Variants in PABPC4L observed in about 807,000 individuals in gnomAD.
The protein encoded by PABPC4L is polyadenylate-binding protein 4-like.
For missense variants in PABPC4L, 452 were observed against 451.4 expected, an observed-to-expected ratio of 1.00 and a Z score of -0.01; for synonymous variants, 169 against 164.1, an observed-to-expected ratio of 1.03 and a Z score of -0.23.
chr4:134,124,866 GT>G, the PABPC4L span, among the ~76,000 whole-genome samples: 1 of 152,058 alleles, frequency 6.6e-6, no homozygotes, highest in Admixed American at 6.6e-5. Flanking sequence ...GGGTAATAAT[GT>G]CAGGCAGGTA....
Position 134,200,906 on chromosome 4 carries a change from G to GGACA in PABPC4L, c.110_113dup (p.Ile39ValfsTer26). 3.8e-6 allele frequency: 6 copies of GGACA among 1,560,916 alleles called. No homozygotes were observed. Among genetic ancestry groups the GGACA allele is most frequent in the Admixed American group, 1.9e-5 (1 of 51,912 alleles). On this transcript the variant is annotated frameshift_variant, in exon 2 of 2. Transcript: ENST00000421491. LOFTEE classifies it low-confidence loss of function (END_TRUNC). Reference sequence around the variant, plus strand: ...TGACCTGGTCCCTGCAAATGCGGATGGACAGCACAGGCCCCACAGTGCTGA... The same window carrying GGACA: ...TGACCTGGTCCCTGCAAATGCGGATGGACAGACAGCACAGGCCCCACAGTGCTGA...
chr4:134,098,109 A>G, the PABPC4L span, among the ~76,000 whole-genome samples: 14 of 151,958 alleles, frequency 9.2e-5, no homozygotes, highest in African/African-American at 3.4e-4. Flanking sequence ...TACATATTTC[A>G]TACTATTTAT....
At chr4:134,072,887 A>G in the PABPC4L span, among the ~76,000 whole-genome samples, 1 of 152,246 alleles carries the variant, frequency 6.6e-6, no homozygotes, top group African/African-American at 2.4e-5. Context: ...CTCACTCACT[A>G]TCACAAGAAC....
At chr4:134,123,666 G>A in the PABPC4L span, among the ~76,000 whole-genome samples, 1 of 152,016 alleles carries the variant, frequency 6.6e-6, no homozygotes, top group Non-Finnish European at 1.5e-5. Flanking sequence ...AATACAGAGC[G>A]AGAGAGAGAA....
the PABPC4L span, among the ~76,000 whole-genome samples, chr4:134,083,994 T>A: frequency 6.6e-6 from 1 of 152,184 alleles, no homozygotes. Context: ...TAAATGGCTT[T>A]TATTTTGTGA....
At chr4:134,136,547 A>G in the PABPC4L span, among the ~76,000 whole-genome samples, 14 of 151,742 alleles carry the variant, frequency 9.2e-5, no homozygotes, top group Non-Finnish European at 1.8e-4. Flanking sequence ...CTTCCTTTAC[A>G]TTTGTTAAAT....
At chr4:134,040,009 G>A in the PABPC4L span, among the ~76,000 whole-genome samples, 1 of 151,904 alleles carries the variant, frequency 6.6e-6, no homozygotes, top group Non-Finnish European at 1.5e-5. Flanking sequence ...CAACTTACAA[G>A]GGATGTGAAG....
At chr4:134,027,829 C>T in the PABPC4L span, among the ~76,000 whole-genome samples, 8 of 152,124 alleles carry the variant, frequency 5.3e-5, no homozygotes, top group Non-Finnish European at 2.9e-5. Context: ...ATGTCCTCTT[C>T]AGTTGAATCT....
At position 134,200,290 on chromosome 4, in the gene PABPC4L, T is replaced by C. The variant is rs1380663858; in HGVS notation, c.730A>G (p.Lys244Glu). 1.9e-6 allele frequency: 3 copies of C among 1,575,578 alleles called. No individual in the cohort carries two copies. The highest frequency in any genetic ancestry group is 1.8e-5 in the Admixed American group (1 of 54,906). The change falls in exon 2 of 2, where the codon AAG becomes GAG. Residue 244 changes from lysine (K) to glutamate (E), a missense_variant. Transcript: ENST00000421491. ...CCATTCATTTCTTCAACAGCTTTCT[T>C]GGCAGCCTCATGGCTATCAAAACTC... The part of the protein sequence containing the change: ...FVSFDSHEAA[K>E]KAVEEMNGRD...
At position 134,199,869 on chromosome 4, in the gene PABPC4L, T is replaced by C. The variant is rs1399261794; in HGVS notation, c.*38A>G. 6.5e-7 allele frequency: 1 copy of C among 1,544,260 alleles called. No individual in the cohort carries two copies. The highest frequency in any genetic ancestry group is 1.4e-5 in the African/African-American group (1 of 72,664). The stretch of plus-strand genomic sequence containing the variant: ...CAGAGATCACTATCATTCTCCCACC[T>C]GCTGCAGATACTAGCTGGAAAGGTA... On this transcript the variant is annotated 3_prime_UTR_variant, in exon 2 of 2. Transcript: ENST00000421491.
chr4:133,991,024 C>G, the PABPC4L span, among the ~76,000 whole-genome samples: 1 of 152,062 alleles, frequency 6.6e-6, no homozygotes, highest in East Asian at 1.9e-4. Context: ...TGTTTTGCAT[C>G]AGGTTTTGTT....
chr4:134,121,978 T>C, the PABPC4L span, among the ~76,000 whole-genome samples: 2 of 151,992 alleles, frequency 1.3e-5, no homozygotes, highest in Admixed American at 6.6e-5. Context: ...TTCCATACCC[T>C]GTCTTAGTTA....
chr4:134,086,959 C>A, the PABPC4L span, among the ~76,000 whole-genome samples: 1 of 151,330 alleles, frequency 6.6e-6, no homozygotes, highest in East Asian at 2.0e-4. Flanking sequence ...CCCTTCCCCC[C>A]ACCCCACAAC....
At chr4:133,960,661 A>G in the PABPC4L span, among the ~76,000 whole-genome samples, 1 of 152,132 alleles carries the variant, frequency 6.6e-6, no homozygotes, top group South Asian at 2.1e-4. Context: ...GGAGGCAGGT[A>G]TCCTGGGGCA....
the PABPC4L span, among the ~76,000 whole-genome samples, chr4:134,169,817 T>C: frequency 5.3e-5 from 8 of 152,148 alleles, no homozygotes; most frequent in Non-Finnish European, 7.4e-5. Flanking sequence ...TCTATGGTCA[T>C]GGATAGGAAA....
the PABPC4L span, among the ~76,000 whole-genome samples, chr4:134,189,854 C>A: frequency 1.3e-5 from 2 of 152,184 alleles, no homozygotes; most frequent in South Asian, 4.1e-4. Flanking sequence ...TGGTCAAGGT[C>A]TAACAAAACC....
chr4:134,017,393 G>T, the PABPC4L span, among the ~76,000 whole-genome samples: 2 of 151,958 alleles, frequency 1.3e-5, no homozygotes, highest in Non-Finnish European at 2.9e-5. Flanking sequence ...CTTGGACTGT[G>T]CCCCAAAAAA....
chr4:134,091,633 A>C, the PABPC4L span, among the ~76,000 whole-genome samples: 31 of 151,828 alleles, frequency 2.0e-4, no homozygotes, highest in Non-Finnish European at 3.8e-4. Context: ...ACTAAGATAG[A>C]TAGACAGATA....
the PABPC4L span, among the ~76,000 whole-genome samples, chr4:134,021,166 T>A: frequency 6.6e-6 from 1 of 152,108 alleles, no homozygotes; most frequent in Non-Finnish European, 1.5e-5. Context: ...ATGAACAACA[T>A]CACATATCAC....
Sources: gnomAD v4.1 joint callset for allele counts (sites outside exome capture counted in the v4.1 genomes callset) on GRCh38, gnomAD v4.1.1 for gene constraint, MANE v1.5 for transcripts, NCBI Gene and HGNC (gene_info 2026-07-23, HGNC 2026-07-21) for gene names.